DTNA: variants seen among roughly 807,000 people sequenced by gnomAD.
DTNA encodes dystrophin-related protein 3.
Under a neutral mutation model 100.7 loss-of-function variants are expected in DTNA, and 43 were observed. The ratio of observed to expected loss-of-function variants is 0.43; its 90% confidence interval spans 0.33 to 0.55. The LOEUF (loss-of-function observed/expected upper bound fraction) is 0.55. Among genes scored for constraint, DTNA ranks in the 20% least tolerant of loss-of-function variants. The probability of loss-of-function intolerance (pLI) is 0.04; values close to 1 mark genes in which losing one functional copy is unlikely to be tolerated. For synonymous variants in DTNA, 349 were observed against 347.9 expected (o/e 1.00, Z -0.04); for missense variants, 798 against 953.9 (o/e 0.84, Z 2.15).
intron 1 of DTNA, among the ~76,000 whole-genome samples, chr18:34,549,293 T>C (rs1277187429): frequency 6.6e-6 from 1 of 152,114 alleles, no homozygotes; most frequent in Non-Finnish European, 1.5e-5. Flanking sequence ...AAGGATTCCC[T>C]GTAGGTTACA....
chr18:34,679,318 G>C (rs747031614), intron 1 of DTNA: 3 of 152,058 alleles, frequency 2.0e-5, no homozygotes, highest in Non-Finnish European at 4.4e-5. Context: ...TGAAAAGCAA[G>C]GTTCTAAATT....
At chr18:34,524,592 A>G (rs988139540) in intron 1 of DTNA, among the ~76,000 whole-genome samples, 2 of 152,150 alleles carry the variant, frequency 1.3e-5, no homozygotes, top group South Asian at 2.1e-4. Flanking sequence ...TTAAATTACA[A>G]ACTGTTTTCC....
At chr18:34,494,061 A>T (rs2038887985) in intron 1 of DTNA, 2 of 151,202 alleles carry the variant, frequency 1.3e-5, no homozygotes, top group South Asian at 4.2e-4. Context: ...GCAGCGCCGC[A>T]GCCCCTGCTG....
chr18:34,813,785 T>C (rs1398098201), intron 6 of DTNA, among the ~76,000 whole-genome samples: 2 of 142,418 alleles, frequency 1.4e-5, no homozygotes, highest in Middle Eastern at 3.9e-3. Context: ...GAGGTTGCAG[T>C]GAGCCAAGAT....
intron 1 of DTNA, among the ~76,000 whole-genome samples, chr18:34,646,814 C>G (rs566831644): frequency 1.3e-5 from 2 of 152,182 alleles, no homozygotes; most frequent in Admixed American, 1.3e-4. Flanking sequence ...CTCCCGGATT[C>G]AAGCAATTCT....
intron 3 of DTNA, among the ~76,000 whole-genome samples, chr18:34,781,558 G>T (rs2094324039): frequency 6.6e-6 from 1 of 151,692 alleles, no homozygotes; most frequent in Non-Finnish European, 1.5e-5. Context: ...ATTTATGGAT[G>T]ACCTCACTCA....
At chr18:34,507,179 T>G (rs1444287131) in intron 1 of DTNA, among the ~76,000 whole-genome samples, 1 of 152,152 alleles carries the variant, frequency 6.6e-6, no homozygotes, top group Admixed American at 6.5e-5. Flanking sequence ...CTGTAGGCTG[T>G]GGCATAGTTG....
At chr18:34,675,009 T>A (rs1360818221) in intron 1 of DTNA, among the ~76,000 whole-genome samples, 2 of 152,144 alleles carry the variant, frequency 1.3e-5, no homozygotes, top group East Asian at 3.8e-4. Context: ...AAAGGGAAGT[T>A]AGACTTACCT....
intron 1 of DTNA, among the ~76,000 whole-genome samples, chr18:34,743,168 A>G (rs1001777397): frequency 6.6e-6 from 1 of 152,188 alleles, no homozygotes; most frequent in African/African-American, 2.4e-5. Flanking sequence ...TTCTCTTTCC[A>G]TTCTGTATTC....
At chr18:34,700,415 A>C (rs1319786460) in intron 1 of DTNA, among the ~76,000 whole-genome samples, 1 of 152,082 alleles carries the variant, frequency 6.6e-6, no homozygotes, top group African/African-American at 2.4e-5. Flanking sequence ...CTTTGTGTTC[A>C]TTAAAGGGTC....
At chr18:34,649,552 T>G (rs1298322286) in intron 1 of DTNA, among the ~76,000 whole-genome samples, 1 of 152,216 alleles carries the variant, frequency 6.6e-6, no homozygotes, top group East Asian at 1.9e-4. Flanking sequence ...AAGGCACTAT[T>G]TTGAGCTACA....
At chr18:34,745,789 A>G (rs546673885) in intron 1 of DTNA, among the ~76,000 whole-genome samples, 1 of 152,268 alleles carries the variant, frequency 6.6e-6, no homozygotes, top group South Asian at 2.1e-4. Flanking sequence ...CCAAATCCTG[A>G]CTTTCTTCTT....
At chr18:34,882,897 C>T (rs2096887004) in intron 21 of DTNA, among the ~76,000 whole-genome samples, 1 of 152,200 alleles carries the variant, frequency 6.6e-6, no homozygotes, top group Non-Finnish European at 1.5e-5. Context: ...CCTCAGTCTT[C>T]CTCATTGCCC....
At chr18:34,709,872 C>T (rs1847952478), upstream of DTNA, among the ~76,000 whole-genome samples, 2 of 152,164 alleles carry the variant, frequency 1.3e-5, no homozygotes, top group Admixed American at 1.3e-4. Flanking sequence ...TCTGTGTTTA[C>T]TGAATACATT....
At chr18:34,626,037 G>A (rs1321853066) in intron 1 of DTNA, among the ~76,000 whole-genome samples, 2 of 152,226 alleles carry the variant, frequency 1.3e-5, no homozygotes, top group African/African-American at 2.4e-5. Flanking sequence ...CTCGTAGACT[G>A]TCAAGCAGCC....
chr18:34,588,437 G>C (rs548197616), intron 1 of DTNA, among the ~76,000 whole-genome samples: 3 of 151,952 alleles, frequency 2.0e-5, no homozygotes, highest in Admixed American at 6.6e-5. Flanking sequence ...CTCTTCTCTC[G>C]TTCTCACCAT....
In DTNA at chr18:34,787,849, C is replaced by T. The variant is rs527581035; in HGVS notation, c.149-6188C>T. On this transcript the variant is annotated intron_variant, in intron 3 of 22. Coordinates refer to ENST00000444659, the MANE Select transcript of DTNA (RefSeq NM_001386795.1). ...TCCATTTATGTATGTAAAGACAAAT[C>T]TTAGGTCTTAATAATTAATGCCTGA... 7.0e-4 allele frequency among the ~76,000 whole-genome samples: 107 copies of T among 152,260 alleles called. 1 individual carries two copies. The highest frequency in any genetic ancestry group is 1.0e-3 in the Non-Finnish European group (71 of 68,012).
chr18:34,507,949 A>G (rs2040658976), intron 1 of DTNA, among the ~76,000 whole-genome samples: 2 of 152,206 alleles, frequency 1.3e-5, no homozygotes, highest in South Asian at 4.1e-4. Context: ...TATATTTAAC[A>G]TTTTATGTGC....
At chr18:34,596,590 G>T (rs746567149) in intron 1 of DTNA, among the ~76,000 whole-genome samples, 11 of 152,040 alleles carry the variant, frequency 7.2e-5, no homozygotes, top group Non-Finnish European at 1.6e-4. Flanking sequence ...ATTACATCGG[G>T]TATATCAGTC....
Sources: allele counts gnomAD v4.1 joint callset (sites outside exome capture counted in the v4.1 genomes callset), GRCh38; gene constraint gnomAD v4.1.1; transcripts MANE v1.5; gene names NCBI Gene and HGNC (gene_info 2026-07-23, HGNC 2026-07-21).